Variants in ZMYM4 observed in about 807,000 individuals in gnomAD.
ZMYM4 encodes the protein zinc finger MYM-type containing 4.
Under a neutral mutation model 183.2 loss-of-function variants are expected in ZMYM4, and 31 were observed. That is an observed-to-expected ratio of 0.17 (90% confidence interval 0.13 to 0.23). The LOEUF (loss-of-function observed/expected upper bound fraction) is 0.23. Ranked by LOEUF, ZMYM4 falls within the 10% of genes least tolerant of loss-of-function variation. The pLI, the probability that ZMYM4 is intolerant of heterozygous loss-of-function variation, is 1.00. For synonymous variants in ZMYM4, 592 were observed against 631.2 expected (o/e 0.94, Z 0.93); for missense variants, 1,273 against 1,840.3 (o/e 0.69, Z 5.64).
At chr1:35,295,515 G>A (rs1557936665) in intron 1 of ZMYM4, among the ~76,000 whole-genome samples, 1 of 152,272 alleles carries the variant, frequency 6.6e-6, no homozygotes, top group East Asian at 1.9e-4. Context: ...GGGCTGTTCT[G>A]TACATTGTAG....
intron 7 of ZMYM4, among the ~76,000 whole-genome samples, chr1:35,373,968 GTA>G (rs1250875906): frequency 6.7e-6 from 1 of 149,222 alleles, no homozygotes. Context: ...GAGTACTTAG[GTA>G]TATATCCTGT....
At chr1:35,338,348 A>G (rs1252387494) in intron 2 of ZMYM4, among the ~76,000 whole-genome samples, 1 of 152,258 alleles carries the variant, frequency 6.6e-6, no homozygotes, top group Admixed American at 6.5e-5. Context: ...TTTAGTAAAT[A>G]CAGTTGGCCC....
chr1:35,381,880 C>T (rs1644465657), intron 9 of ZMYM4, 122 bp downstream of exon 9: 3 of 1,220,520 alleles, frequency 2.5e-6, no homozygotes, highest in East Asian at 2.5e-5. Flanking sequence ...TGCCATGGCT[C>T]ACACCTGTAA....
intron 1 of ZMYM4, among the ~76,000 whole-genome samples, chr1:35,276,431 C>CCA (rs1380526650): frequency 6.6e-6 from 1 of 152,100 alleles, no homozygotes; most frequent in African/African-American, 2.4e-5. Flanking sequence ...ACAAGCACAA[C>CCA]CACAATACTG....
rs1419873587 is a variant in ZMYM4, at chr1:35,323,320, G to A, written c.40-2040G>A. ...CCCGGCTGGACAACTCCTTTGAAGAGTTCTGCTGTCAAGGGGAAGAGAAAA... is the reference window on the plus strand; with the variant it reads ...CCCGGCTGGACAACTCCTTTGAAGAATTCTGCTGTCAAGGGGAAGAGAAAA... On this transcript the variant is annotated intron_variant, in intron 1 of 29. Transcript: ENST00000314607. Among the ~76,000 whole-genome samples, 6 of 151,998 alleles carry A rather than the reference G, an allele frequency of 3.9e-5. 1 individual carries two copies. The highest frequency in any genetic ancestry group is 7.2e-5 in the African/African-American group (3 of 41,398).
At chr1:35,409,464 A>G (rs1639780210) in intron 26 of ZMYM4, among the ~76,000 whole-genome samples, 1 of 151,838 alleles carries the variant, frequency 6.6e-6, no homozygotes, top group Admixed American at 6.6e-5. Flanking sequence ...TTTTTTTTAA[A>G]CAACCATCCT....
intron 1 of ZMYM4, among the ~76,000 whole-genome samples, chr1:35,289,960 T>C (rs1377041631): frequency 2.0e-5 from 3 of 151,766 alleles, no homozygotes; most frequent in Non-Finnish European, 4.4e-5. Context: ...TTTCTTTTCT[T>C]TTTTTTCTTT....
chr1:35,379,436 A>G (rs1644403635), intron 7 of ZMYM4, among the ~76,000 whole-genome samples: 2 of 152,036 alleles, frequency 1.3e-5, no homozygotes, highest in Admixed American at 1.3e-4. Context: ...TGGTTTCACC[A>G]TGTTGGCTAG....
chr1:35,391,551 A>T (rs879118373), intron 15 of ZMYM4, among the ~76,000 whole-genome samples: 1 of 152,202 alleles, frequency 6.6e-6, no homozygotes. Flanking sequence ...CTTAAAAAAA[A>T]ATTATTTCTA....
chr1:35,404,458 TTAAG>T (rs1477353066), intron 23 of ZMYM4, among the ~76,000 whole-genome samples: 1 of 152,234 alleles, frequency 6.6e-6, no homozygotes, highest in African/African-American at 2.4e-5. Context: ...AAATGTCCCT[TTAAG>T]TACTGCTTTA....
At chr1:35,331,656 G>A (rs942905208) in intron 2 of ZMYM4, among the ~76,000 whole-genome samples, 3 of 151,682 alleles carry the variant, frequency 2.0e-5, no homozygotes, top group Non-Finnish European at 2.9e-5. Flanking sequence ...GTGTGGTGGC[G>A]GGCACCTGTA....
In ZMYM4 at chr1:35,419,726, G is replaced by A. The variant is rs1640261237; in HGVS notation, c.*49G>A. 1.3e-6 allele frequency: 2 copies of A among 1,572,486 alleles called. No individual in the cohort carries two copies. Among genetic ancestry groups the A allele is most frequent in the Non-Finnish European group, 1.7e-6 (2 of 1,145,414 alleles). ...CATACATATTGGTATGCACCAAACTGTGAATGCATCCAGCTGTTGGAAAAT... is the reference window on the plus strand; with the variant it reads ...CATACATATTGGTATGCACCAAACTATGAATGCATCCAGCTGTTGGAAAAT... On this transcript the variant is annotated 3_prime_UTR_variant, in exon 30 of 30. Coordinates refer to ENST00000314607, the MANE Select transcript of ZMYM4 (RefSeq NM_005095.3).
intron 28 of ZMYM4, 104 bp from the exon 29 acceptor site, chr1:35,418,339 G>A: frequency 7.9e-7 from 1 of 1,271,970 alleles, no homozygotes; most frequent in Non-Finnish European, 1.1e-6. Flanking sequence ...TGAAAGGGAG[G>A]AAATGACAAA....
intron 18 of ZMYM4, 110 bp downstream of exon 18, chr1:35,393,849 A>G (rs573563767): frequency 1.0e-5 from 13 of 1,262,252 alleles, no homozygotes; most frequent in East Asian, 2.7e-5. Context: ...GGTTGTTTGT[A>G]TACATTGCCC....
chr1:35,380,289 T>C (rs1309977936), intron 7 of ZMYM4, among the ~76,000 whole-genome samples: 1 of 151,862 alleles, frequency 6.6e-6, no homozygotes, highest in East Asian at 1.9e-4. Context: ...GTTTGAAAAA[T>C]TGGTTTTTAT....
In ZMYM4 at chr1:35,396,575, A is replaced by C. The variant is rs543316974; in HGVS notation, c.2935A>C (p.Ile979Leu). 9 of 1,613,648 alleles carry C rather than the reference A, an allele frequency of 5.6e-6. No homozygotes were observed. The highest frequency in any genetic ancestry group is 3.3e-5 in the Admixed American group (2 of 59,978). The change falls in exon 19 of 30, where the codon ATT (isoleucine) becomes CTT (leucine). Residue 979 changes from isoleucine (I) to leucine (L), a missense_variant. By Grantham distance (5) the Ile-to-Leu change is conservative. Coordinates refer to ENST00000314607, the MANE Select transcript of ZMYM4 (RefSeq NM_005095.3). ...AGAAGACACTCCAAGTCAGCCCCAG[A>C]TTATTGTGGTGCCAGTTCCCGTACC... ...QTEDTPSQPQ[I>L]IVVPVPVPVF... is the part of the protein sequence containing the mutation.
chr1:35,383,937 A>C (rs1433910756), intron 9 of ZMYM4, among the ~76,000 whole-genome samples: 1 of 151,394 alleles, frequency 6.6e-6, no homozygotes, highest in African/African-American at 2.4e-5. Context: ...TGTCACTGGG[A>C]TGTTTTTAGG....
chr1:35,383,319 A>T (rs1448475407), intron 9 of ZMYM4, among the ~76,000 whole-genome samples: 1 of 152,040 alleles, frequency 6.6e-6, no homozygotes, highest in African/African-American at 2.4e-5. Flanking sequence ...TAATTTTATA[A>T]TGTCTTTTAT....
intron 1 of ZMYM4, among the ~76,000 whole-genome samples, chr1:35,295,268 A>G (rs1640950875): frequency 6.6e-6 from 1 of 152,244 alleles, no homozygotes; most frequent in South Asian, 2.1e-4. Context: ...AAGATCTGAA[A>G]GAAATGAGAA....
Sources: allele counts gnomAD v4.1 joint callset (sites outside exome capture counted in the v4.1 genomes callset), GRCh38; gene constraint gnomAD v4.1.1; transcripts MANE v1.5; gene names NCBI Gene and HGNC (gene_info 2026-07-23, HGNC 2026-07-21).